The following TM9SF3 variants were observed in gnomAD, a reference collection of about 807,000 sequenced individuals.
TM9SF3 encodes the protein transmembrane 9 superfamily member 3, also known as SM-11044-binding protein.
In TM9SF3, 14 loss-of-function variants were observed where a neutral mutation model predicts 78.6. That is an observed-to-expected ratio of 0.18 (90% CI 0.12 to 0.28). The LOEUF (loss-of-function observed/expected upper bound fraction) is 0.28, where lower values mean the gene tolerates loss of function less well. Ranked by LOEUF, TM9SF3 falls within the 10% of genes least tolerant of loss-of-function variation. The probability of loss-of-function intolerance (pLI) is 1.00; values close to 1 mark genes in which losing one functional copy is unlikely to be tolerated. For missense variants in TM9SF3, 496 were observed against 721.9 expected (o/e 0.69, Z 3.59); for synonymous variants, 231 against 241.7 (o/e 0.96, Z 0.41).
At chr10:96,561,253 T>TA (rs11309165) in intron 4 of TM9SF3, among the ~76,000 whole-genome samples, 9 of 151,930 alleles carry the variant, frequency 5.9e-5, no homozygotes, top group East Asian at 1.9e-4. Flanking sequence ...GAATGAATAA[T>TA]AAAAAAAAAT....
rs112408645 is a variant in TM9SF3, at chr10:96,580,481, C to T, written c.103-3652G>A. Among the ~76,000 whole-genome samples, 1,199 of 152,024 alleles carry T rather than the reference C, an allele frequency of 7.9e-3. 19 individuals are homozygous for T. The highest frequency in any genetic ancestry group is 0.028 in the African/African-American group (1,146 of 41,462). Reference sequence around the variant, plus strand: ...CGGGGTTTCACCATGTTAGCCAGGACGGTCTCGATCTCCTGACCTCGTGAT... The same window carrying T: ...CGGGGTTTCACCATGTTAGCCAGGATGGTCTCGATCTCCTGACCTCGTGAT... On this transcript the variant is annotated intron_variant, in intron 1 of 14. Transcript: ENST00000371142.
At chr10:96,526,146 G>T (rs542198798) in intron 14 of TM9SF3, among the ~76,000 whole-genome samples, 1 of 152,214 alleles carries the variant, frequency 6.6e-6, no homozygotes, top group East Asian at 1.9e-4. Flanking sequence ...TAAAGTTGAG[G>T]AAGAAAGGTT....
rs554472876 is a variant in TM9SF3 at position 96,519,074 on chromosome 10, T to C, written c.*3189A>G. ...TACAAAAGCCCTTCGGTATGTAGCTTTTCCTGAACAAATACATTAATACAC... is the reference window on the plus strand; with the variant it reads ...TACAAAAGCCCTTCGGTATGTAGCTCTTCCTGAACAAATACATTAATACAC... On this transcript the variant is annotated 3_prime_UTR_variant, in exon 15 of 15. Transcript: ENST00000371142. 6.6e-6 allele frequency: 1 copy of C among 152,192 alleles called. No individual in the cohort carries two copies. The highest frequency in any genetic ancestry group is 2.4e-5 in the African/African-American group (1 of 41,580). The allele number at this position is 152,192 out of a possible 1,614,324, so 9.4% of individuals were successfully genotyped here. A position where few individuals can be genotyped will look rare whatever the true frequency, so the allele number is the denominator to read the frequency against.
At chr10:96,544,820 C>T (rs553334218) in intron 8 of TM9SF3, among the ~76,000 whole-genome samples, 3 of 150,712 alleles carry the variant, frequency 2.0e-5, no homozygotes, top group Non-Finnish European at 4.4e-5. Flanking sequence ...CACCCTAAGA[C>T]AGGGCAAAAA....
chr10:96,530,712 A>ACGCCTGTAATCCCAGCACTTTGGG, intron 10 of TM9SF3, 104 bp from the exon 11 acceptor site: 1 of 1,063,360 alleles, frequency 9.4e-7, no homozygotes, highest in Non-Finnish European at 1.3e-6. Context: ...ATCATCTCTA[A>ACGCCTGTAATCCCAGCACTTTGGG]AGGATAGAAA....
intron 1 of TM9SF3, among the ~76,000 whole-genome samples, chr10:96,584,831 T>C (rs1029549626): frequency 6.6e-6 from 1 of 152,072 alleles, no homozygotes; most frequent in African/African-American, 2.4e-5. Context: ...AAATAAATAA[T>C]AGGTATTTAA....
Position 96,576,790 on chromosome 10 carries a change from C to T in TM9SF3, c.142G>A (p.Val48Ile). Residue 48 changes from valine (V) to isoleucine (I), a missense_variant, in exon 2 of 15, where the codon GTT becomes ATT. By Grantham distance (29) the Val-to-Ile change is conservative (BLOSUM62 3). Transcript: ENST00000371142. Reference protein sequence around the residue: ...KEEVVLWMNTVGPYHNRQETY... With the variant: ...KEEVVLWMNTIGPYHNRQETY... Reference sequence around the variant, plus strand: ...TCTTGACGATTATGGTAGGGCCCAACAGTATTCATCCATAAGACAACTTCC... The same window carrying T: ...TCTTGACGATTATGGTAGGGCCCAATAGTATTCATCCATAAGACAACTTCC... 1 of 1,571,252 alleles carries T rather than the reference C, an allele frequency of 6.4e-7. No individual in the cohort carries two copies. The highest frequency in any genetic ancestry group is 8.6e-7 in the Non-Finnish European group (1 of 1,163,740).
chr10:96,586,791 C>G lies in TM9SF3; in HGVS notation c.45G>C (p.Ala15=). ...GCAGCAGCAGCAGCAGCAGCCACAG[C>G]GCGGCGGCCGCCGCCACGCCAAGAG... ...PGALGVAAAA[A]LWLLLLLLPR... Residue 15 remains alanine, a synonymous_variant, in exon 1 of 15, where the codon GCG becomes GCC. Coordinates refer to ENST00000371142, the MANE Select transcript of TM9SF3 (RefSeq NM_020123.4). The G allele has an allele frequency of 1.6e-6, 2 of 1,281,510 alleles. No individual in the cohort carries two copies. Among genetic ancestry groups the G allele is most frequent in the Non-Finnish European group, 2.0e-6 (2 of 1,012,088 alleles). 79.4% of individuals were successfully genotyped at this position (1,281,510 alleles called of 1,614,324 possible). A position where few individuals can be genotyped will look rare whatever the true frequency, so the allele number is the denominator to read the frequency against.
chr10:96,552,885 C>A, intron 6 of TM9SF3, 43 bp downstream of exon 6: 2 of 1,448,032 alleles, frequency 1.4e-6, no homozygotes, highest in South Asian at 1.6e-5. Context: ...ACTTAACACT[C>A]AGTTAAAATG....
chr10:96,559,734 T>C lies in TM9SF3; in HGVS notation c.585A>G (p.Val195=). The stretch of plus-strand genomic sequence containing the variant: ...ATTTCACATCTGACTTTTTCCATTT[T>C]ACCTAAAAAAAATTTTTTCATTTGA... ...PNTKIQMSYS[V]KWKKSDVKFE... Residue 195 remains valine, a splice_region_variant and synonymous_variant, in exon 5 of 15, where the codon GTA becomes GTG. Coordinates refer to ENST00000371142, the MANE Select transcript of TM9SF3 (RefSeq NM_020123.4). The C allele has an allele frequency of 1.3e-6, 2 of 1,562,512 alleles. No individual in the cohort carries two copies. Among genetic ancestry groups the C allele is most frequent in the South Asian group, 1.2e-5 (1 of 83,640 alleles).
At chr10:96,558,559 T>A (rs1848264765) in intron 5 of TM9SF3, among the ~76,000 whole-genome samples, 1 of 150,726 alleles carries the variant, frequency 6.6e-6, no homozygotes, top group African/African-American at 2.4e-5. Flanking sequence ...GGCAGGAGAA[T>A]CGCTTGAACC....
In TM9SF3 at chr10:96,586,840, C is replaced by G; in HGVS notation, c.-5G>C. The G allele has an allele frequency of 1.1e-5, 13 of 1,214,750 alleles. No individual in the cohort carries two copies. Among genetic ancestry groups the G allele is most frequent in the Non-Finnish European group, 1.3e-5 (13 of 978,570 alleles). The allele number at this position is 1,214,750 out of a possible 1,614,324, so 75.2% of individuals were successfully genotyped here. On this transcript the variant is annotated 5_prime_UTR_variant, in exon 1 of 15. Transcript: ENST00000371142. The stretch of plus-strand genomic sequence containing the variant: ...AGCGCCAGGCAGCGGCCTCATCCTC[C>G]GCGCCCCTCCGGCCCGGAGCCGGCT...
intron 3 of TM9SF3, among the ~76,000 whole-genome samples, chr10:96,563,764 G>A (rs950448577): frequency 4.0e-5 from 6 of 151,860 alleles, no homozygotes; most frequent in African/African-American, 1.5e-4. Context: ...CAAGTAAGAA[G>A]CTACTCTCTA....
chr10:96,576,810 A>G lies in TM9SF3; in HGVS notation c.122T>C (p.Val41Ala). The change falls in exon 2 of 15, where the codon GTT becomes GCT. Residue 41 changes from valine (V) to alanine (A), a missense_variant. By Grantham distance (64) the Val-to-Ala change is moderately conservative. Coordinates refer to ENST00000371142, the MANE Select transcript of TM9SF3 (RefSeq NM_020123.4). ...CCCAACAGTATTCATCCATAAGACA[A>G]CTTCCTCTTTATCTTGATACTGAAA... is the stretch of plus-strand genomic sequence containing the variant. ...HEHTYQDKEEVVLWMNTVGPY... is the reference protein window; with the variant it reads ...HEHTYQDKEEAVLWMNTVGPY... 6.6e-7 allele frequency: 1 copy of G among 1,526,148 alleles called. No individual in the cohort carries two copies. The highest frequency in any genetic ancestry group is 8.8e-7 in the Non-Finnish European group (1 of 1,142,416). 94.5% of individuals were successfully genotyped at this position (1,526,148 alleles called of 1,614,324 possible). A position where few individuals can be genotyped will look rare whatever the true frequency, so the allele number is the denominator to read the frequency against.
intron 14 of TM9SF3, among the ~76,000 whole-genome samples, chr10:96,526,421 C>G (rs1032362634): frequency 6.6e-6 from 1 of 152,098 alleles, no homozygotes; most frequent in African/African-American, 2.4e-5. Context: ...AGCTGAGCAA[C>G]AGCATGGACA....
intron 2 of TM9SF3, among the ~76,000 whole-genome samples, chr10:96,567,321 G>A (rs1390011538): frequency 2.6e-5 from 4 of 152,110 alleles, no homozygotes; most frequent in African/African-American, 9.7e-5. Flanking sequence ...CTGATCTCAG[G>A]TGAACCGCCC....
chr10:96,571,729 T>C (rs1475646236), intron 2 of TM9SF3, among the ~76,000 whole-genome samples: 2 of 152,186 alleles, frequency 1.3e-5, no homozygotes, highest in Non-Finnish European at 2.9e-5. Context: ...ATTTCAGCCC[T>C]CTGTTAAGTT....
intron 9 of TM9SF3, among the ~76,000 whole-genome samples, chr10:96,536,020 A>C (rs1018848606): frequency 3.9e-5 from 6 of 152,200 alleles, no homozygotes; most frequent in African/African-American, 1.4e-4. Context: ...TAGAAAATTA[A>C]TACTTTCACC....
intron 2 of TM9SF3, 67 bp from the exon 3 acceptor site, chr10:96,565,493 G>T: frequency 2.2e-6 from 3 of 1,358,572 alleles, no homozygotes; most frequent in Middle Eastern, 2.0e-4. Flanking sequence ...AAAAAAAAAA[G>T]ACAAGAAAAA....
Sources: allele counts gnomAD v4.1 joint callset (sites outside exome capture counted in the v4.1 genomes callset), GRCh38; gene constraint gnomAD v4.1.1; transcripts MANE v1.5; gene names NCBI Gene and HGNC (gene_info 2026-07-23, HGNC 2026-07-21).